The following TMEM132D variants were observed in gnomAD, a reference collection of about 807,000 sequenced individuals.
TMEM132D encodes mature OL transmembrane protein.
TMEM132D carries 21 observed loss-of-function variants against 62.3 expected under a neutral mutation model. The observed-to-expected ratio is 0.34, with a 90% CI of 0.24 to 0.49. The LOEUF is 0.49. TMEM132D is among the 20% of genes least tolerant of loss of function. TMEM132D has a pLI of 0.99. For synonymous variants in TMEM132D, 621 were observed against 575.6 expected, an observed-to-expected ratio of 1.08 and a Z score of -1.13; for missense variants, 1,346 against 1,402.8, an observed-to-expected ratio of 0.96 and a Z score of 0.65.
At chr12:129,528,501 T>C (rs12049972) in intron 3 of TMEM132D, among the ~76,000 whole-genome samples, 34,651 of 151,826 alleles carry the variant, frequency 0.23, 4,194 homozygotes, top group East Asian at 0.41. Context: ...CATTCAGCCT[T>C]TTCTCCCAGC....
intron 3 of TMEM132D, among the ~76,000 whole-genome samples, chr12:129,482,157 C>A (rs956654860): frequency 6.6e-6 from 1 of 152,198 alleles, no homozygotes; most frequent in African/African-American, 2.4e-5. Context: ...CGGGCATTCC[C>A]AGCTGAGCCC....
chr12:129,276,558 A>G (rs982734137), intron 4 of TMEM132D, among the ~76,000 whole-genome samples: 4 of 152,208 alleles, frequency 2.6e-5, no homozygotes, highest in African/African-American at 9.6e-5. Context: ...TTTCCCAGAT[A>G]AAGTCGTGCA....
intron 3 of TMEM132D, among the ~76,000 whole-genome samples, chr12:129,445,403 C>A (rs993265529): frequency 1.3e-5 from 2 of 152,012 alleles, no homozygotes; most frequent in Non-Finnish European, 2.9e-5. Flanking sequence ...CACAACAAAC[C>A]CCCAAGATAC....
At chr12:129,408,519 G>C (rs1195426619) in intron 3 of TMEM132D, among the ~76,000 whole-genome samples, 2 of 151,424 alleles carry the variant, frequency 1.3e-5, no homozygotes, top group Non-Finnish European at 1.5e-5. Context: ...CAAAGTTGGG[G>C]AGTGCTTTTT....
chr12:129,832,586 A>G (rs1242330933), intron 1 of TMEM132D, among the ~76,000 whole-genome samples: 1 of 152,114 alleles, frequency 6.6e-6, no homozygotes, highest in Non-Finnish European at 1.5e-5. Context: ...ATATCTGAGT[A>G]TTTTTGTGGC....
chr12:129,757,259 A>C (rs1347718038), intron 1 of TMEM132D, among the ~76,000 whole-genome samples: 1 of 152,152 alleles, frequency 6.6e-6, no homozygotes, highest in African/African-American at 2.4e-5. Flanking sequence ...TTATTTTAGA[A>C]ATTACTAATG....
rs1439171857 is a variant in TMEM132D at position 129,072,600 on chromosome 12, TGAA to T, written c.*1272_*1274del. ...CCCTTATCCCTTCGCACCTCCAAGA[TGAA>T]GAAGGTTTCTGTGCTGTCCGGTGTG... On this transcript the variant is annotated 3_prime_UTR_variant, in exon 9 of 9. Coordinates refer to ENST00000422113, the MANE Select transcript of TMEM132D (RefSeq NM_133448.3). The T allele has an allele frequency of 3.3e-5, 5 of 152,304 alleles. No individual in the cohort carries two copies. In the East Asian group the frequency reaches 7.7e-4, roughly 24 times the overall value. The allele number at this position is 152,304 out of a possible 1,614,324, so 9.4% of individuals were successfully genotyped here. A position where few individuals can be genotyped will look rare whatever the true frequency, so the allele number is the denominator to read the frequency against.
chr12:129,335,358 G>A lies in TMEM132D; in HGVS notation c.1299+2276C>T, dbSNP rs535021291. 1.4e-3 allele frequency among the ~76,000 whole-genome samples: 218 copies of A among 151,812 alleles called. 1 individual carries two copies. Among genetic ancestry groups the A allele is most frequent in the Middle Eastern group, 6.8e-3 (2 of 294 alleles). ...TTGCCATGTTGGTCAAGCTGGTCTT[G>A]AACTCCTGGCCTCAAGTGATCTGCC... On this transcript the variant is annotated intron_variant, in intron 4 of 8. Coordinates refer to ENST00000422113, the MANE Select transcript of TMEM132D (RefSeq NM_133448.3).
At chr12:129,215,618 T>G (rs1273515288) in intron 4 of TMEM132D, among the ~76,000 whole-genome samples, 1 of 152,064 alleles carries the variant, frequency 6.6e-6, no homozygotes, top group Non-Finnish European at 1.5e-5. Flanking sequence ...TCAAAGGTGG[T>G]GGTATGTGGT....
intron 3 of TMEM132D, among the ~76,000 whole-genome samples, chr12:129,518,398 A>G (rs1156548483): frequency 1.3e-5 from 2 of 152,068 alleles, no homozygotes; most frequent in African/African-American, 4.8e-5. Flanking sequence ...TAGGTTCTCA[A>G]AATTTTATGG....
chr12:129,139,296 T>C (rs985183853), intron 5 of TMEM132D, among the ~76,000 whole-genome samples: 2 of 152,200 alleles, frequency 1.3e-5, no homozygotes, highest in Non-Finnish European at 2.9e-5. Flanking sequence ...GAGATTTGAA[T>C]GGTTTTTCAG....
intron 4 of TMEM132D, among the ~76,000 whole-genome samples, chr12:129,300,583 T>C (rs1049722210): frequency 6.6e-6 from 1 of 152,206 alleles, no homozygotes; most frequent in Non-Finnish European, 1.5e-5. Flanking sequence ...AAAGACTGTG[T>C]TCCTTCTGGA....
intron 4 of TMEM132D, among the ~76,000 whole-genome samples, chr12:129,223,694 T>C (rs1003961581): frequency 1.3e-5 from 2 of 152,208 alleles, no homozygotes; most frequent in Non-Finnish European, 2.9e-5. Context: ...CTGCTAAAGC[T>C]CCTCTTTGGT....
At chr12:129,497,294 C>T (rs1874989023) in intron 3 of TMEM132D, among the ~76,000 whole-genome samples, 1 of 152,076 alleles carries the variant, frequency 6.6e-6, no homozygotes, top group African/African-American at 2.4e-5. Flanking sequence ...GGCAACAGAG[C>T]AAGACTGTCT....
chr12:129,820,585 GT>G (rs1872518122), intron 1 of TMEM132D, among the ~76,000 whole-genome samples: 1 of 152,146 alleles, frequency 6.6e-6, no homozygotes, highest in Admixed American at 6.5e-5. Context: ...ATTTACTTAT[GT>G]TTTCATGCCC....
chr12:129,367,880 G>A (rs11060278), intron 3 of TMEM132D, among the ~76,000 whole-genome samples: 7,833 of 148,198 alleles, frequency 0.053, 405 homozygotes, highest in East Asian at 0.22. Flanking sequence ...CCACCTTCCC[G>A]GTGCAAGTAA....
intron 5 of TMEM132D, among the ~76,000 whole-genome samples, chr12:129,166,732 T>C (rs1267660576): frequency 3.0e-4 from 43 of 143,456 alleles, no homozygotes; most frequent in African/African-American, 1.1e-3. Flanking sequence ...CACACACATA[T>C]ATATATATAC....
intron 3 of TMEM132D, among the ~76,000 whole-genome samples, chr12:129,376,029 T>A (rs541416110): frequency 1.3e-5 from 2 of 152,248 alleles, no homozygotes; most frequent in East Asian, 3.9e-4. Context: ...GCAGAAACAG[T>A]GATGCTTGGT....
chr12:129,774,299 C>G (rs1870850390), intron 1 of TMEM132D, among the ~76,000 whole-genome samples: 1 of 152,180 alleles, frequency 6.6e-6, no homozygotes, highest in Admixed American at 6.5e-5. Context: ...TATTCTTTCT[C>G]TTTACGTCCT....
Sources: allele counts gnomAD v4.1 joint callset (sites outside exome capture counted in the v4.1 genomes callset), GRCh38; gene constraint gnomAD v4.1.1; transcripts MANE v1.5; gene names NCBI Gene and HGNC (gene_info 2026-07-23, HGNC 2026-07-21).